ATP11C: variants seen among roughly 807,000 people sequenced by gnomAD.
ATP11C encodes the protein ATPase phospholipid transporting 11C (ATP11C blood group), also known as phospholipid-transporting ATPase IG.
Under a neutral mutation model 97.4 loss-of-function variants are expected in ATP11C, and 36 were observed. That is an observed-to-expected ratio of 0.37 (90% confidence interval 0.28 to 0.49). The LOEUF (loss-of-function observed/expected upper bound fraction) is 0.49. ATP11C is among the 20% of genes least tolerant of loss of function. The probability of loss-of-function intolerance (pLI) is 0.98; values close to 1 mark genes in which losing one functional copy is unlikely to be tolerated. For missense variants in ATP11C, 730 were observed against 824.6 expected (o/e 0.89, Z 1.40); for synonymous variants, 275 against 290.9 (o/e 0.95, Z 0.56).
chrX:139,785,986 A>G (rs895817532), intron 15 of ATP11C, among the ~76,000 whole-genome samples: 2 of 111,562 alleles, frequency 1.8e-5, no homozygotes, highest in South Asian at 7.7e-4. Context: ...CCAATGCCCA[A>G]AAAACTCATC....
chrX:139,814,111 T>G (rs927449610), intron 5 of ATP11C, among the ~76,000 whole-genome samples: 2 of 111,319 alleles, frequency 1.8e-5, no homozygotes, highest in African/African-American at 6.5e-5. Context: ...ATATAATTTT[T>G]TAATTTAAAA....
chrX:139,925,319 C>G (rs1027821411), intron 1 of ATP11C, among the ~76,000 whole-genome samples: 2 of 111,706 alleles, frequency 1.8e-5, no homozygotes, highest in African/African-American at 3.3e-5. Flanking sequence ...GAGTTTTGCT[C>G]TTGTTGCCCA....
chrX:139,788,254 T>C lies in ATP11C; in HGVS notation c.1458A>G (p.Ser486=). The C allele has an allele frequency of 8.3e-7, 1 of 1,208,608 alleles. No homozygotes were observed. The highest frequency in any genetic ancestry group is 1.8e-5 in the South Asian group (1 of 56,813). ...AAGAGGAGATATAGGTTAATTCAGC[T>C]GATTCTGTAGCTCCATCAACAGCAT... ...TNDAVDGATE[S]AELTYISSSP... The change falls in exon 14 of 30, where the codon TCA becomes TCG. Residue 486 remains serine, a synonymous_variant. Coordinates refer to ENST00000682941, the MANE Select transcript of ATP11C (RefSeq NM_001353812.2).
At chrX:139,876,568 A>T (rs2084478297) in intron 1 of ATP11C, among the ~76,000 whole-genome samples, 1 of 112,170 alleles carries the variant, frequency 8.9e-6, no homozygotes, top group African/African-American at 3.2e-5. Flanking sequence ...AGTAGCTAGG[A>T]CCACAGGTGG....
At chrX:139,866,073 C>T (rs1056356937) in intron 1 of ATP11C, among the ~76,000 whole-genome samples, 11 of 110,409 alleles carry the variant, frequency 1.0e-4, no homozygotes, top group African/African-American at 1.3e-4. Context: ...GGGCCAAGCG[C>T]GGTGGCACAT....
At chrX:139,925,455 T>TTGTAGCCCCGTCTGAAATGCATAA (rs2085336316) in intron 1 of ATP11C, among the ~76,000 whole-genome samples, 1 of 100,190 alleles carries the variant, frequency 1.0e-5, no homozygotes, top group Non-Finnish European at 2.0e-5. Flanking sequence ...CTGGCTAATT[T>TTGTAGCCCCGTCTGAAATGCATAA]TGTAGCCCAG....
chrX:139,817,708 G>A (rs1254504357), intron 3 of ATP11C, among the ~76,000 whole-genome samples: 1 of 112,262 alleles, frequency 8.9e-6, no homozygotes, highest in Non-Finnish European at 1.9e-5. Context: ...TAATCTAGGT[G>A]AAAGATGATG....
At chrX:139,848,282 C>T (rs1221002321) in intron 1 of ATP11C, among the ~76,000 whole-genome samples, 1 of 111,254 alleles carries the variant, frequency 9.0e-6, no homozygotes, top group Non-Finnish European at 1.9e-5. Context: ...GCAACACCCA[C>T]CCCAATCCAG....
In ATP11C at chrX:139,726,542, G is replaced by A. The variant is rs974833831; in HGVS notation, c.*2424C>T. On this transcript the variant is annotated 3_prime_UTR_variant, in exon 30 of 30. Transcript: ENST00000682941. The stretch of plus-strand genomic sequence containing the variant: ...AGCTGAAAAATGATTTTGTCAACAC[G>A]CATAAAATCTGCACATTTATATACT... 1 of 112,199 alleles carries A rather than the reference G, an allele frequency of 8.9e-6. No homozygotes were observed. The highest frequency in any genetic ancestry group is 3.2e-5 in the African/African-American group (1 of 30,817). The allele number at this position is 112,199 out of a possible 1,213,427, so 9.2% of individuals were successfully genotyped here. A position where few individuals can be genotyped will look rare whatever the true frequency, so the allele number is the denominator to read the frequency against.
chrX:139,735,205 A>G (rs1328674895), intron 28 of ATP11C, among the ~76,000 whole-genome samples: 2 of 111,827 alleles, frequency 1.8e-5, no homozygotes, highest in African/African-American at 6.5e-5. Flanking sequence ...AGAATTCAGC[A>G]TAAGGTTGCT....
intron 18 of ATP11C, among the ~76,000 whole-genome samples, chrX:139,780,413 T>C: frequency 9.1e-6 from 1 of 110,450 alleles, no homozygotes; most frequent in South Asian, 3.8e-4. Flanking sequence ...AATCAATAAA[T>C]GTAATTCACC....
At chrX:139,752,631 C>T (rs1034534626) in intron 23 of ATP11C, among the ~76,000 whole-genome samples, 3 of 111,729 alleles carry the variant, frequency 2.7e-5, no homozygotes, top group Non-Finnish European at 5.6e-5. Context: ...AATATTTCCA[C>T]CAGAACAAGC....
chrX:139,749,738 A>G (rs747739823), intron 24 of ATP11C, among the ~76,000 whole-genome samples: 2 of 111,896 alleles, frequency 1.8e-5, no homozygotes, highest in Non-Finnish European at 3.8e-5. Flanking sequence ...TTAAAATATC[A>G]TGTCTTCCCA....
chrX:139,814,768 G>C (rs1013371428), intron 5 of ATP11C, 110 bp downstream of exon 5: 7 of 434,311 alleles, frequency 1.6e-5, no homozygotes, highest in Middle Eastern at 6.4e-4. Context: ...TCTGGAACTA[G>C]ATAGAGTTAA....
intron 5 of ATP11C, among the ~76,000 whole-genome samples, chrX:139,805,960 C>T (rs1245269592): frequency 2.7e-5 from 3 of 112,257 alleles, no homozygotes; most frequent in Admixed American, 1.9e-4. Flanking sequence ...GTTGCTTACA[C>T]AAAACCACAA....
intron 1 of ATP11C, among the ~76,000 whole-genome samples, chrX:139,862,647 G>A (rs778014677): frequency 1.3e-4 from 15 of 111,739 alleles, no homozygotes; most frequent in Non-Finnish European, 2.8e-4. Flanking sequence ...TATAAAGTAG[G>A]TTTCATCATC....
intron 1 of ATP11C, among the ~76,000 whole-genome samples, chrX:139,853,480 G>A (rs987198584): frequency 1.5e-4 from 17 of 110,706 alleles, no homozygotes; most frequent in Admixed American, 2.9e-4. Flanking sequence ...AAGTCAAAGA[G>A]AAAGAGAGAG....
chrX:139,742,794 A>T (rs1394005933), intron 26 of ATP11C, among the ~76,000 whole-genome samples: 1 of 106,385 alleles, frequency 9.4e-6, no homozygotes, highest in Non-Finnish European at 1.9e-5. Flanking sequence ...GCACTTTATC[A>T]CTAACATGGG....
At chrX:139,911,369 A>T (rs1336964818) in intron 1 of ATP11C, among the ~76,000 whole-genome samples, 1 of 112,242 alleles carries the variant, frequency 8.9e-6, no homozygotes, top group African/African-American at 3.2e-5. Context: ...ACATATGCAA[A>T]AATGTTTAAC....
Sources: gnomAD v4.1 joint callset for allele counts (sites outside exome capture counted in the v4.1 genomes callset) on GRCh38, gnomAD v4.1.1 for gene constraint, MANE v1.5 for transcripts, NCBI Gene and HGNC (gene_info 2026-07-23, HGNC 2026-07-21) for gene names.